The following COL22A1 variants were observed in gnomAD, a reference collection of about 807,000 sequenced individuals.
The protein encoded by COL22A1 is collagen alpha-1(XXII) chain.
Under a neutral mutation model 248.9 loss-of-function variants are expected in COL22A1, and 221 were observed. The ratio of observed to expected loss-of-function variants is 0.89; its 90% CI spans 0.80 to 0.99. The LOEUF (loss-of-function observed/expected upper bound fraction) is 0.99, where lower values mean the gene tolerates loss of function less well. COL22A1 is among the 50% of genes least tolerant of loss of function. The pLI, the probability that COL22A1 is intolerant of heterozygous loss-of-function variation, is 0.00. For synonymous variants in COL22A1, 891 were observed against 793.4 expected (o/e 1.12, Z -2.07); for missense variants, 2,240 against 2,179.0 (o/e 1.03, Z -0.56).
At chr8:138,884,200 G>C (rs1200603801) in intron 1 of COL22A1, among the ~76,000 whole-genome samples, 1 of 152,166 alleles carries the variant, frequency 6.6e-6, no homozygotes, top group East Asian at 1.9e-4. Flanking sequence ...ATGGGTTGAG[G>C]GGGTCACTGC....
At chr8:138,745,879 T>C (rs959539546) in intron 22 of COL22A1, among the ~76,000 whole-genome samples, 1 of 152,280 alleles carries the variant, frequency 6.6e-6, no homozygotes, top group East Asian at 1.9e-4. Flanking sequence ...ATGACAGTGC[T>C]CCCTGATCAA....
chr8:138,618,611 T>C (rs1783198058), intron 53 of COL22A1, among the ~76,000 whole-genome samples: 1 of 152,230 alleles, frequency 6.6e-6, no homozygotes, highest in South Asian at 2.1e-4. Flanking sequence ...AATTTATTTT[T>C]GTATTTTATT....
intron 45 of COL22A1, among the ~76,000 whole-genome samples, chr8:138,650,353 C>T (rs1304997017): frequency 1.3e-5 from 2 of 152,176 alleles, no homozygotes; most frequent in South Asian, 4.1e-4. Flanking sequence ...AAGGCAAGCA[C>T]TTAATCAATG....
At chr8:138,668,411 CAT>C (rs1433269072) in intron 41 of COL22A1, among the ~76,000 whole-genome samples, 68 of 152,242 alleles carry the variant, frequency 4.5e-4, no homozygotes, top group Admixed American at 3.3e-3. Flanking sequence ...CACACACACA[CAT>C]GCACATATAT....
intron 10 of COL22A1, among the ~76,000 whole-genome samples, chr8:138,806,159 T>C (rs1340082344): frequency 9.1e-5 from 13 of 142,264 alleles, no homozygotes; most frequent in South Asian, 2.3e-4. Context: ...TGATGGTGTG[T>C]GTGTGTGATG....
At chr8:138,690,760 G>A (rs1826780165) in intron 36 of COL22A1, 61 bp downstream of exon 36, 3 of 1,389,212 alleles carry the variant, frequency 2.2e-6, no homozygotes, top group South Asian at 1.3e-5. Context: ...TGGCTTTTGG[G>A]GAGGATACAT....
chr8:138,871,601 A>G (rs1006632386), intron 3 of COL22A1, among the ~76,000 whole-genome samples: 1 of 152,200 alleles, frequency 6.6e-6, no homozygotes, highest in Non-Finnish European at 1.5e-5. Flanking sequence ...TGTCACCCTT[A>G]AAGTGGGATC....
intron 38 of COL22A1, among the ~76,000 whole-genome samples, chr8:138,684,682 C>G (rs1358602306): frequency 2.0e-5 from 3 of 152,254 alleles, no homozygotes; most frequent in African/African-American, 7.2e-5. Context: ...CTCTGTGTGG[C>G]CTTCAGGAAA....
chr8:138,859,160 T>G (rs1822258037), intron 3 of COL22A1, among the ~76,000 whole-genome samples: 1 of 152,232 alleles, frequency 6.6e-6, no homozygotes, highest in Non-Finnish European at 1.5e-5. Context: ...TTTGTGCCAC[T>G]GCCAGCCACG....
chr8:138,604,595 G>T (rs1046345786), intron 59 of COL22A1, 139 bp downstream of exon 59: 8 of 732,630 alleles, frequency 1.1e-5, no homozygotes, highest in Non-Finnish European at 1.9e-5. Context: ...TGTTCAAAAG[G>T]CATTAAGAAT....
At chr8:138,662,600 C>A (rs1157979706) in intron 42 of COL22A1, among the ~76,000 whole-genome samples, 1 of 152,148 alleles carries the variant, frequency 6.6e-6, no homozygotes, top group Admixed American at 6.5e-5. Context: ...TTATGGATCT[C>A]ATTTCCCGTA....
chr8:138,788,126 C>G lies in COL22A1; in HGVS notation c.1597-7146G>C, dbSNP rs549746126. Among the ~76,000 whole-genome samples the G allele has an allele frequency of 5.9e-5, 9 of 152,270 alleles. No individual in the cohort carries two copies. In the South Asian group the frequency reaches 1.9e-3, roughly 32 times the overall value. On this transcript the variant is annotated intron_variant, in intron 12 of 64. Coordinates refer to ENST00000303045, the MANE Select transcript of COL22A1 (RefSeq NM_152888.3). ...TTCTGAAAGCATGGTCACAGGCCAG[C>G]TGCATCAACCTCACCTGGGGTTGCG...
chr8:138,657,468 G>A (rs12547337), intron 44 of COL22A1, among the ~76,000 whole-genome samples: 19,606 of 152,142 alleles, frequency 0.13, 2,135 homozygotes, highest in African/African-American at 0.29. Context: ...ACAATGGCTG[G>A]GCACCAGTCA....
At chr8:138,806,721 C>T (rs1426301100) in intron 10 of COL22A1, among the ~76,000 whole-genome samples, 2 of 152,166 alleles carry the variant, frequency 1.3e-5, no homozygotes, top group Non-Finnish European at 2.9e-5. Flanking sequence ...CTCACAGCAG[C>T]GGGCACTGGA....
intron 35 of COL22A1, among the ~76,000 whole-genome samples, chr8:138,691,994 G>T (rs201747123): frequency 5.3e-5 from 1 of 18,776 alleles, no homozygotes; most frequent in Non-Finnish European, 1.2e-4. Flanking sequence ...ATGTGTGCAC[G>T]TGCATGTGTG....
At chr8:138,882,105 A>G (rs1209016523) in intron 2 of COL22A1, among the ~76,000 whole-genome samples, 1 of 152,086 alleles carries the variant, frequency 6.6e-6, no homozygotes, top group Admixed American at 6.5e-5. Flanking sequence ...TCACAGGACA[A>G]CACAGCCAGG....
intron 64 of COL22A1, among the ~76,000 whole-genome samples, chr8:138,590,908 C>T (rs1461474507): frequency 6.6e-6 from 1 of 152,204 alleles, no homozygotes; most frequent in Non-Finnish European, 1.5e-5. Context: ...GGACAGCTAA[C>T]CACCCTACCA....
intron 12 of COL22A1, among the ~76,000 whole-genome samples, 165 bp from the exon 13 acceptor site, chr8:138,781,145 T>C (rs1210016082): frequency 1.3e-5 from 2 of 151,732 alleles, no homozygotes; most frequent in Non-Finnish European, 1.5e-5. Context: ...CTTGGGAGAG[T>C]ATAAAATGCA....
intron 47 of COL22A1, among the ~76,000 whole-genome samples, chr8:138,638,642 G>A (rs1033649504): frequency 1.3e-5 from 2 of 152,070 alleles, no homozygotes. Context: ...GAAAAAAAAT[G>A]GAGTCAGAGA....
Sources: allele counts gnomAD v4.1 joint callset (sites outside exome capture counted in the v4.1 genomes callset), GRCh38; gene constraint gnomAD v4.1.1; transcripts MANE v1.5; gene names NCBI Gene and HGNC (gene_info 2026-07-23, HGNC 2026-07-21).